The following TRPC5 variants were observed in gnomAD, a reference collection of about 807,000 sequenced individuals.
TRPC5 encodes the protein transient receptor potential cation channel subfamily C member 5, also known as short transient receptor potential channel 5.
A neutral mutation model predicts 56.5 loss-of-function variants in TRPC5; 9 were observed. That is an observed-to-expected ratio of 0.16 (90% CI 0.10 to 0.28). The LOEUF is 0.28. TRPC5 is among the 10% of genes least tolerant of loss of function. The pLI, the probability that TRPC5 is intolerant of heterozygous loss-of-function variation, is 1.00. For synonymous variants in TRPC5, 282 were observed against 278.5 expected (o/e 1.01, Z -0.13); for missense variants, 469 against 748.9 (o/e 0.63, Z 4.36).
At chrX:111,943,283 G>C (rs751749276) in intron 2 of TRPC5, among the ~76,000 whole-genome samples, 2 of 111,599 alleles carry the variant, frequency 1.8e-5, no homozygotes, top group Non-Finnish European at 3.8e-5. Flanking sequence ...TTTTCTCCTT[G>C]AATTTCTGCT....
At chrX:111,944,503 T>A (rs1220308519) in intron 2 of TRPC5, among the ~76,000 whole-genome samples, 1 of 110,538 alleles carries the variant, frequency 9.0e-6, no homozygotes, top group Non-Finnish European at 1.9e-5. Flanking sequence ...GTATAGTGGG[T>A]TGAACTGTGT....
chrX:111,896,802 T>C, intron 3 of TRPC5, among the ~76,000 whole-genome samples: 1 of 112,079 alleles, frequency 8.9e-6, no homozygotes, highest in Non-Finnish European at 1.9e-5. Flanking sequence ...TGGGCTGACA[T>C]CCAGCTCTGC....
At chrX:111,867,429 GA>G (rs1197090959) in intron 3 of TRPC5, among the ~76,000 whole-genome samples, 30 of 111,829 alleles carry the variant, frequency 2.7e-4, no homozygotes, top group African/African-American at 9.1e-4. Flanking sequence ...GGTGAATAAT[GA>G]AATCAGAAAA....
chrX:112,009,628 G>A (rs1050825479), intron 1 of TRPC5, among the ~76,000 whole-genome samples: 6 of 111,799 alleles, frequency 5.4e-5, no homozygotes, highest in Admixed American at 1.9e-4. Context: ...GAACTCTGAC[G>A]CATAAAGGCA....
At chrX:112,035,166 C>G (rs1297223117) in intron 1 of TRPC5, among the ~76,000 whole-genome samples, 1 of 108,253 alleles carries the variant, frequency 9.2e-6, no homozygotes, top group African/African-American at 3.4e-5. Flanking sequence ...TTTCTATTCC[C>G]CACAATCCCA....
intron 1 of TRPC5, among the ~76,000 whole-genome samples, chrX:112,059,005 G>A (rs891140050): frequency 1.8e-5 from 2 of 111,470 alleles, no homozygotes; most frequent in African/African-American, 3.3e-5. Flanking sequence ...GAGCCTCTGG[G>A]TTTAACCACT....
intron 2 of TRPC5, among the ~76,000 whole-genome samples, chrX:111,941,040 T>G (rs1371194699): frequency 8.9e-6 from 1 of 112,247 alleles, no homozygotes; most frequent in Non-Finnish European, 1.9e-5. Flanking sequence ...GGTTGTATGT[T>G]GCTTGCATGT....
intron 1 of TRPC5, among the ~76,000 whole-genome samples, chrX:112,071,358 A>G (rs59642248): frequency 2.7e-5 from 3 of 110,988 alleles, no homozygotes; most frequent in South Asian, 3.8e-4. Flanking sequence ...AAAGAATCCT[A>G]TGAGATAAAT....
chrX:112,011,475 G>A (rs976303363), intron 1 of TRPC5, among the ~76,000 whole-genome samples: 2 of 111,927 alleles, frequency 1.8e-5, no homozygotes, highest in Non-Finnish European at 3.8e-5. Context: ...GAAACAGCCT[G>A]TTCCCGTTGG....
intron 7 of TRPC5, among the ~76,000 whole-genome samples, chrX:111,796,983 CTCTT>C (rs1921118868): frequency 8.9e-6 from 1 of 112,469 alleles, no homozygotes; most frequent in South Asian, 3.6e-4. Flanking sequence ...AAATAAAAAT[CTCTT>C]TCTTTACTTG....
At chrX:111,800,288 T>C (rs1024707440) in intron 7 of TRPC5, among the ~76,000 whole-genome samples, 3 of 111,661 alleles carry the variant, frequency 2.7e-5, no homozygotes, top group African/African-American at 9.8e-5. Flanking sequence ...GAATAATAAA[T>C]ATATTTTTCT....
rs1945923633 is a variant in TRPC5, at chrX:111,781,984, T to C, written c.2051A>G (p.Lys684Arg). The C allele has an allele frequency of 8.3e-7, 1 of 1,208,050 alleles. No individual in the cohort carries two copies. The highest frequency in any genetic ancestry group is 1.8e-5 in the South Asian group (1 of 56,299). Residue 684 changes from lysine to arginine, a missense_variant, in exon 8 of 11, where the codon AAA becomes AGA. Physicochemically the swap from Lys to Arg is conservative, Grantham distance 26. Coordinates refer to ENST00000262839, the MANE Select transcript of TRPC5 (RefSeq NM_012471.3). ...GNWFNNTFCP[K>R]RDPDGRRRRR... is the part of the protein sequence containing the mutation. ...TCTCCGTCTACCGTCAGGGTCTCTT[T>C]TGGGGCAGAAGGTGTTGTTGAACCA...
At chrX:111,973,103 T>A (rs1489886099) in intron 1 of TRPC5, among the ~76,000 whole-genome samples, 3 of 111,932 alleles carry the variant, frequency 2.7e-5, no homozygotes, top group African/African-American at 9.7e-5. Context: ...ATTTTCTTAG[T>A]ATGTAAAAAC....
At chrX:111,944,267 AGT>A (rs36057312) in intron 2 of TRPC5, among the ~76,000 whole-genome samples, 749 of 71,709 alleles carry the variant, frequency 0.01, 21 homozygotes, top group Admixed American at 0.072. Context: ...GGAGTAGAAG[AGT>A]GTGTGTGTGT....
intron 7 of TRPC5, among the ~76,000 whole-genome samples, chrX:111,808,853 T>C (rs1921607686): frequency 9.1e-6 from 1 of 109,609 alleles, no homozygotes. Context: ...AAGGGCTCTT[T>C]AGTCAGTGTG....
At chrX:111,827,529 C>T (rs182173080) in intron 7 of TRPC5, among the ~76,000 whole-genome samples, 1 of 111,448 alleles carries the variant, frequency 9.0e-6, no homozygotes, top group African/African-American at 3.3e-5. Flanking sequence ...TGGACAACTC[C>T]ACCCTGCCAG....
chrX:112,002,818 A>C (rs1352486875), intron 1 of TRPC5, among the ~76,000 whole-genome samples: 3 of 112,439 alleles, frequency 2.7e-5, no homozygotes, highest in Non-Finnish European at 5.6e-5. Flanking sequence ...GGAGCAAGCA[A>C]TCAATCAGAA....
At chrX:111,930,216 G>T (rs1926371142) in intron 2 of TRPC5, among the ~76,000 whole-genome samples, 5 of 111,239 alleles carry the variant, frequency 4.5e-5, no homozygotes, top group Admixed American at 3.8e-4. Context: ...GGAAGGCTGA[G>T]GCGGGTGGAT....
At chrX:112,005,116 G>A (rs990061365) in intron 1 of TRPC5, among the ~76,000 whole-genome samples, 4 of 108,951 alleles carry the variant, frequency 3.7e-5, no homozygotes, top group African/African-American at 7.0e-5. Context: ...CTTTGGGTAC[G>A]TACCCAGCAG....
Sources: gnomAD v4.1 joint callset for allele counts (sites outside exome capture counted in the v4.1 genomes callset) on GRCh38, gnomAD v4.1.1 for gene constraint, MANE v1.5 for transcripts, NCBI Gene and HGNC (gene_info 2026-07-23, HGNC 2026-07-21) for gene names.